Variants in HOXD3 observed in about 807,000 individuals in gnomAD.
HOXD3 encodes homeobox D3.
In HOXD3, 13 loss-of-function variants were observed where a neutral mutation model predicts 32.8. The ratio of observed to expected loss-of-function variants is 0.40; its 90% CI spans 0.26 to 0.63. The LOEUF is 0.63. Ranked by LOEUF, HOXD3 falls within the 20% of genes least tolerant of loss-of-function variation. The probability of loss-of-function intolerance (pLI) is 0.44; values close to 1 mark genes in which losing one functional copy is unlikely to be tolerated. For synonymous variants in HOXD3, 241 were observed against 246.8 expected (o/e 0.98, Z 0.22); for missense variants, 504 against 577.1 (o/e 0.87, Z 1.30).
chr2:176,152,760 C>A, upstream of HOXD3: 1 of 1,614,152 alleles, frequency 6.2e-7, no homozygotes, highest in Non-Finnish European at 8.5e-7. The surrounding 1 kb of genome is among the most constrained non-coding windows in gnomAD (Gnocchi z 5.2). Context: ...TCTGTCGGAG[C>A]GCCAGATCAA....
At chr2:176,158,937 C>T (rs1320737221) in intron 1 of HOXD3, among the ~76,000 whole-genome samples, 1 of 152,016 alleles carries the variant, frequency 6.6e-6, no homozygotes, top group Non-Finnish European at 1.5e-5. Flanking sequence ...CTCCCAAGGC[C>T]CCGGCTTGGC....
Position 176,171,682 on chromosome 2 carries a change from G to C in HOXD3, c.707G>C (p.Arg236Pro), listed in dbSNP as rs1691188987. ...EMANLLNLTE[R>P]QIKIWFQNRR... The stretch of plus-strand genomic sequence containing the variant: ...GCCAACCTGCTGAATCTCACGGAAC[G>C]CCAGATCAAGATCTGGTTCCAGAAC... Residue 236 changes from arginine (R) to proline (P), a missense_variant, in exon 4 of 4, where the codon CGC becomes CCC. This residue lies in a region of HOXD3 where 97 missense variants were observed against 158.0 expected (regional missense o/e 0.61). Transcript: ENST00000683222. The C allele has an allele frequency of 6.2e-7, 1 of 1,613,998 alleles. No homozygotes were observed. The highest frequency in any genetic ancestry group is 1.3e-5 in the African/African-American group (1 of 74,928).
intron 2 of HOXD3, among the ~76,000 whole-genome samples, chr2:176,167,686 CTTTT>C (rs56761217): frequency 7.1e-4 from 77 of 108,888 alleles, no homozygotes; most frequent in African/African-American, 2.7e-3. Flanking sequence ...GGGGGAGACC[CTTTT>C]TTTTTTTTTT....
rs751531967 is a variant in HOXD3 at position 176,169,498 on chromosome 2, A to G, written c.384A>G (p.Pro128=). 2 of 1,613,878 alleles carry G rather than the reference A, an allele frequency of 1.2e-6. No individual in the cohort carries two copies. Among genetic ancestry groups the G allele is most frequent in the South Asian group, 1.1e-5 (1 of 91,030 alleles). Residue 128 remains proline, a synonymous_variant, in exon 3 of 4, where the codon CCA becomes CCG. Coordinates refer to ENST00000683222, the MANE Select transcript of HOXD3 (RefSeq NM_006898.5). ...CTCCTCCACCACCGACCCTGCCCCC[A>G]TCTTCACCCACCAATCCTGGAGGTG... The part of the protein sequence containing the change: ...QPPPPPPTLP[P]SSPTNPGGGV...
At chr2:176,159,426 G>T (rs1574977885) in intron 1 of HOXD3, among the ~76,000 whole-genome samples, 1 of 152,216 alleles carries the variant, frequency 6.6e-6, no homozygotes, top group East Asian at 1.9e-4. Context: ...CTCTTCTATG[G>T]CTGCTGGGCA....
At chr2:176,156,390 A>G (rs1690644398), upstream of HOXD3, among the ~76,000 whole-genome samples, 1 of 152,212 alleles carries the variant, frequency 6.6e-6, no homozygotes, top group South Asian at 2.1e-4. Flanking sequence ...AGGGGGATCC[A>G]GGTTGGCATT....
At chr2:176,153,011 C>T, upstream of HOXD3, 1 of 1,436,808 alleles carries the variant, frequency 7.0e-7, no homozygotes, top group Non-Finnish European at 9.8e-7. Context: ...GCAGGCCGGG[C>T]CTGCTGTCAC....
chr2:176,154,582 T>C (rs566147492), upstream of HOXD3, among the ~76,000 whole-genome samples: 1 of 152,302 alleles, frequency 6.6e-6, no homozygotes, highest in South Asian at 2.1e-4. Flanking sequence ...ATTTAAAAAA[T>C]ATATTTAAGT....
chr2:176,152,854 C>A, upstream of HOXD3: 1 of 1,614,070 alleles, frequency 6.2e-7, no homozygotes, highest in South Asian at 1.1e-5. This position sits in a 1 kb window ranked among gnomAD's most constrained non-coding sequence, Gnocchi z 5.2. Flanking sequence ...TCCTCATCTT[C>A]CTCCTCATCT....
In HOXD3 at chr2:176,171,845, C is replaced by T; in HGVS notation, c.870C>T (p.Pro290=). ...VAYSGQLPPV[P]GLAYDAPSPP... is the part of the protein sequence containing the mutation. ...ACTCCGGCCAGCTGCCGCCAGTGCC[C>T]GGCCTGGCCTACGACGCGCCCTCGC... Residue 290 remains proline, a synonymous_variant, in exon 4 of 4, where the codon CCC becomes CCT. Transcript: ENST00000683222. 6.2e-7 allele frequency: 1 copy of T among 1,605,542 alleles called. No individual in the cohort carries two copies. The highest frequency in any genetic ancestry group is 1.3e-5 in the African/African-American group (1 of 74,830).
rs756128086 is a variant in HOXD3, at chr2:176,171,906, G to T, written c.931G>T (p.Gly311Cys). The T allele has an allele frequency of 1.2e-6, 2 of 1,609,060 alleles. No homozygotes were observed. Among genetic ancestry groups the T allele is most frequent in the Admixed American group, 3.4e-5 (2 of 59,610 alleles). ...AFAKSQPNMY[G>C]LAAYTAPLSS... Reference sequence around the variant, plus strand: ...CGCCAAATCACAGCCCAATATGTACGGCCTGGCCGCCTACACGGCGCCACT... The same window carrying T: ...CGCCAAATCACAGCCCAATATGTACTGCCTGGCCGCCTACACGGCGCCACT... The change falls in exon 4 of 4, where the codon GGC (glycine) becomes TGC (cysteine). Residue 311 changes from glycine (G) to cysteine (C), a missense_variant. Physicochemically the swap from Gly to Cys is radical, Grantham distance 159. Around this residue, in one of 3 missense-constraint regions of HOXD3, gnomAD observed 226 missense variants for 246.9 expected, o/e 0.92. Transcript: ENST00000683222.
chr2:176,158,142 C>T (rs142288412), intron 1 of HOXD3, among the ~76,000 whole-genome samples: 2 of 152,350 alleles, frequency 1.3e-5, no homozygotes, highest in East Asian at 1.9e-4. Context: ...TTCTTCTTTC[C>T]CGTTTATTTT....
upstream of HOXD3, chr2:176,152,555 C>T (rs1223099852): frequency 1.4e-6 from 2 of 1,455,980 alleles, no homozygotes; most frequent in Admixed American, 1.7e-5. This position sits in a 1 kb window ranked among gnomAD's most constrained non-coding sequence, Gnocchi z 5.2. Flanking sequence ...AGGCGAGGGG[C>T]CTAACTAGTG....
chr2:176,165,841 G>C (rs1193728111), intron 2 of HOXD3: 1 of 151,998 alleles, frequency 6.6e-6, no homozygotes, highest in Non-Finnish European at 1.5e-5. Flanking sequence ...AGGGTGAGGG[G>C]GTGATCGAAA....
intron 1 of HOXD3, among the ~76,000 whole-genome samples, chr2:176,163,566 G>A (rs1469472140): frequency 6.6e-6 from 1 of 152,144 alleles, no homozygotes; most frequent in East Asian, 1.9e-4. Flanking sequence ...TAGCGCCCAG[G>A]TCCTCTTCAC....
chr2:176,159,565 C>T (rs939709678), intron 1 of HOXD3, among the ~76,000 whole-genome samples: 2 of 152,192 alleles, frequency 1.3e-5, no homozygotes, highest in African/African-American at 2.4e-5. Flanking sequence ...TGCGGGATTC[C>T]CGAGTGTGGC....
At chr2:176,160,529 C>A (rs892575967) in intron 1 of HOXD3, among the ~76,000 whole-genome samples, 1 of 152,242 alleles carries the variant, frequency 6.6e-6, no homozygotes, top group Non-Finnish European at 1.5e-5. Context: ...TTCCAGCCCC[C>A]AGGCTTGGCT....
At chr2:176,157,566 G>A (rs1190977413) in intron 1 of HOXD3, among the ~76,000 whole-genome samples, 114 bp downstream of exon 1, 1 of 152,158 alleles carries the variant, frequency 6.6e-6, no homozygotes, top group African/African-American at 2.4e-5. Context: ...GCGCGCCGGC[G>A]AGAAGTTGTT....
At chr2:176,158,728 T>C (rs1690705395) in intron 1 of HOXD3, among the ~76,000 whole-genome samples, 1 of 152,240 alleles carries the variant, frequency 6.6e-6, no homozygotes, top group South Asian at 2.1e-4. Flanking sequence ...GACAAATGTT[T>C]ATGTGCTTTG....
Sources: gnomAD v4.1 joint callset for allele counts (sites outside exome capture counted in the v4.1 genomes callset) on GRCh38, gnomAD v4.1.1 for gene constraint, gnomAD v4.1.1 regional missense constraint, Gnocchi (gnomAD v3.1) non-coding constraint, MANE v1.5 for transcripts, NCBI Gene and HGNC (gene_info 2026-07-23, HGNC 2026-07-21) for gene names.